Variants in ARL15 observed in about 807,000 individuals in gnomAD.
The protein encoded by ARL15 is ARF like GTPase 15.
Under a neutral mutation model 25.2 loss-of-function variants are expected in ARL15, and 19 were observed. The ratio of observed to expected loss-of-function variants is 0.75; its 90% CI spans 0.53 to 1.10. ARL15 has a LOEUF of 1.10. Among genes scored for constraint, ARL15 ranks in the 50% least tolerant of loss-of-function variants. ARL15 has a pLI of 0.00. For synonymous variants in ARL15, 94 were observed against 86.8 expected, an observed-to-expected ratio of 1.08 and a Z score of -0.46; for missense variants, 220 against 246.0, an observed-to-expected ratio of 0.89 and a Z score of 0.71.
intron 4 of ARL15, among the ~76,000 whole-genome samples, chr5:54,072,137 T>C (rs1751447363): frequency 6.6e-6 from 1 of 152,194 alleles, no homozygotes; most frequent in South Asian, 2.1e-4. Flanking sequence ...TTTGTTTTAC[T>C]ATAAGAGGTT....
intron 1 of ARL15, among the ~76,000 whole-genome samples, chr5:54,222,967 G>A (rs1049981206): frequency 6.8e-5 from 10 of 147,592 alleles, no homozygotes; most frequent in East Asian, 2.0e-4. Flanking sequence ...CTACAGGCAC[G>A]CGTCACTATG....
At chr5:53,963,850 T>C (rs796638205) in intron 4 of ARL15, among the ~76,000 whole-genome samples, 104 of 112,230 alleles carry the variant, frequency 9.3e-4, no homozygotes, top group African/African-American at 1.9e-3. Flanking sequence ...CACACACACA[T>C]ACACAGAGTA....
At position 54,065,563 on chromosome 5, in the gene ARL15, G is replaced by GGCTGAGGCAGGAGAATCACTTGAA. The variant is rs1194394112; in HGVS notation, c.462+47615_462+47638dup. ...CACCTGTAGTCCCAGCTACTCCGGAGGCTGAGGCAGGAGAATCACTTGAAC... is the reference window on the plus strand; with the variant it reads ...CACCTGTAGTCCCAGCTACTCCGGAGGCTGAGGCAGGAGAATCACTTGAAGCTGAGGCAGGAGAATCACTTGAAC... On this transcript the variant is annotated intron_variant, in intron 4 of 4. Coordinates refer to ENST00000504924, the MANE Select transcript of ARL15 (RefSeq NM_019087.3). Among the ~76,000 whole-genome samples the GGCTGAGGCAGGAGAATCACTTGAA allele has an allele frequency of 5.0e-3, 763 of 152,268 alleles. 9 individuals carry two copies. Among genetic ancestry groups the GGCTGAGGCAGGAGAATCACTTGAA allele is most frequent in the African/African-American group, 0.017 (726 of 41,534 alleles).
intron 4 of ARL15, among the ~76,000 whole-genome samples, chr5:54,074,455 A>G (rs901130291): frequency 1.3e-5 from 2 of 152,220 alleles, no homozygotes; most frequent in African/African-American, 4.8e-5. Flanking sequence ...AAGCTAATAA[A>G]CAACTGAGAA....
intron 4 of ARL15, among the ~76,000 whole-genome samples, chr5:54,100,974 G>A (rs1752417417): frequency 1.3e-5 from 2 of 151,906 alleles, no homozygotes. Context: ...TAAGATTGAA[G>A]ATTTAAAAAT....
At chr5:54,039,900 CT>C (rs1179792364) in intron 4 of ARL15, among the ~76,000 whole-genome samples, 5 of 142,136 alleles carry the variant, frequency 3.5e-5, no homozygotes, top group African/African-American at 1.3e-4. Context: ...TATTTTTGAA[CT>C]TTTTTCTGGT....
chr5:54,117,194 G>A (rs1347612234), intron 3 of ARL15, among the ~76,000 whole-genome samples: 1 of 152,140 alleles, frequency 6.6e-6, no homozygotes, highest in Non-Finnish European at 1.5e-5. Flanking sequence ...ATTAGATGGT[G>A]TCCAGTGAGT....
intron 3 of ARL15, among the ~76,000 whole-genome samples, chr5:54,143,777 T>C (rs1028943219): frequency 2.6e-5 from 4 of 152,076 alleles, no homozygotes; most frequent in Non-Finnish European, 4.4e-5. Context: ...AAATTTGTAT[T>C]TGATCCCGGT....
chr5:54,284,265 A>G (rs971373847), intron 1 of ARL15, among the ~76,000 whole-genome samples: 6 of 152,274 alleles, frequency 3.9e-5, no homozygotes, highest in Admixed American at 1.3e-4. Context: ...CACCATGCCC[A>G]GCAAATATTT....
intron 4 of ARL15, among the ~76,000 whole-genome samples, chr5:54,073,537 T>C (rs562038379): frequency 6.6e-6 from 1 of 152,360 alleles, no homozygotes; most frequent in East Asian, 1.9e-4. Flanking sequence ...AATGCTTTCA[T>C]TTAAAGATAT....
At chr5:54,243,997 C>T (rs1292697479) in intron 1 of ARL15, among the ~76,000 whole-genome samples, 1 of 152,176 alleles carries the variant, frequency 6.6e-6, no homozygotes, top group African/African-American at 2.4e-5. Flanking sequence ...AGTATCCCAG[C>T]AGTTATGCAC....
intron 4 of ARL15, among the ~76,000 whole-genome samples, chr5:54,084,716 G>A: frequency 6.6e-6 from 1 of 152,136 alleles, no homozygotes; most frequent in East Asian, 1.9e-4. Context: ...GGAGGACAAA[G>A]TGCTAATGTT....
chr5:54,092,575 C>T (rs956790084), intron 4 of ARL15, among the ~76,000 whole-genome samples: 4 of 152,226 alleles, frequency 2.6e-5, no homozygotes. Context: ...CAGAGAACCA[C>T]TCAAGGTGAT....
intron 4 of ARL15, among the ~76,000 whole-genome samples, chr5:54,112,500 G>A (rs926729317): frequency 6.6e-6 from 1 of 152,152 alleles, no homozygotes; most frequent in African/African-American, 2.4e-5. Context: ...TACATCAGGA[G>A]TTTTGATTTC....
intron 1 of ARL15, chr5:54,282,287 C>T: frequency 1.0e-6 from 1 of 985,440 alleles, no homozygotes; most frequent in Non-Finnish European, 1.2e-6. Context: ...AATCCCAATT[C>T]TACAAACAGC....
At chr5:54,146,196 T>C (rs530887156) in intron 3 of ARL15, among the ~76,000 whole-genome samples, 102 of 151,744 alleles carry the variant, frequency 6.7e-4, no homozygotes, top group African/African-American at 2.4e-3. Flanking sequence ...TATCCAAATG[T>C]TTACTGTACA....
chr5:53,904,141 T>C (rs1214508218), intron 4 of ARL15, among the ~76,000 whole-genome samples: 3 of 152,156 alleles, frequency 2.0e-5, no homozygotes, highest in African/African-American at 7.2e-5. Context: ...TGATAAAAGC[T>C]CTACTGATTA....
At chr5:54,306,391 C>CTTTTTTTTTTTTTTTTTTTTT (rs11338403) in intron 1 of ARL15, among the ~76,000 whole-genome samples, 1 of 134,516 alleles carries the variant, frequency 7.4e-6, no homozygotes, top group Non-Finnish European at 1.6e-5. Context: ...AATACGTTAA[C>CTTTTTTTTTTTTTTTTTTTTT]TTTTTTTTTT....
chr5:53,999,979 G>GA (rs755381928), intron 4 of ARL15, among the ~76,000 whole-genome samples: 5 of 152,196 alleles, frequency 3.3e-5, no homozygotes, highest in East Asian at 1.9e-4. Flanking sequence ...ATAGTAGACA[G>GA]AAAAAATGTC....
Sources: allele counts gnomAD v4.1 joint callset (sites outside exome capture counted in the v4.1 genomes callset), GRCh38; gene constraint gnomAD v4.1.1; transcripts MANE v1.5; gene names NCBI Gene and HGNC (gene_info 2026-07-23, HGNC 2026-07-21).